Variants in ADARB2 observed in about 807,000 individuals in gnomAD.
ADARB2 encodes inactive double-stranded RNA-specific editase B2.
Under a neutral mutation model 62.2 loss-of-function variants are expected in ADARB2, and 25 were observed. The observed-to-expected ratio is 0.40, with a 90% CI of 0.29 to 0.56. ADARB2 has a LOEUF of 0.56. Among genes scored for constraint, ADARB2 ranks in the 20% least tolerant of loss-of-function variants. The pLI is 0.43. For synonymous variants in ADARB2, 572 were observed against 500.8 expected, an observed-to-expected ratio of 1.14 and a Z score of -1.90; for missense variants, 1,071 against 1,077.4, an observed-to-expected ratio of 0.99 and a Z score of 0.08.
At chr10:1,403,264 T>C (rs1415007761) in intron 1 of ADARB2, among the ~76,000 whole-genome samples, 1 of 152,196 alleles carries the variant, frequency 6.6e-6, no homozygotes, top group African/African-American at 2.4e-5. Flanking sequence ...TCCTGATTCG[T>C]ACAACCCTTG....
chr10:1,232,420 T>A (rs889856253), intron 6 of ADARB2, among the ~76,000 whole-genome samples: 1 of 150,384 alleles, frequency 6.6e-6, no homozygotes, highest in South Asian at 2.1e-4. Flanking sequence ...ATGTGTGTGG[T>A]ATATGTGGTG....
chr10:1,439,207 A>G lies in ADARB2; in HGVS notation c.101-60047T>C, dbSNP rs1830870995. Among the ~76,000 whole-genome samples, 2 of 120,514 alleles carry G rather than the reference A, an allele frequency of 1.7e-5. 1 individual carries two copies. Among genetic ancestry groups the G allele is most frequent in the South Asian group, 6.3e-4 (2 of 3,152 alleles). The allele number at this position is 120,514 out of a possible 152,430, so 79.1% of individuals were successfully genotyped here. A position where few individuals can be genotyped will look rare whatever the true frequency, so the allele number is the denominator to read the frequency against. ...AGCAGATGGAGGCAGGTTCTTCACT[A>G]TGGGACTCCTGAGTCTCTCCCAGGA... is the stretch of plus-strand genomic sequence containing the variant. On this transcript the variant is annotated intron_variant, in intron 1 of 9. Transcript: ENST00000381312.
At chr10:1,264,250 T>G (rs949865734) in intron 4 of ADARB2, among the ~76,000 whole-genome samples, 2 of 152,226 alleles carry the variant, frequency 1.3e-5, no homozygotes, top group Non-Finnish European at 2.9e-5. Flanking sequence ...TGTTTCAGCT[T>G]ATCTTCCTCA....
chr10:1,621,812 A>G lies in ADARB2; in HGVS notation c.100+115239T>C, dbSNP rs562695979. The stretch of plus-strand genomic sequence containing the variant: ...TCATCCCAAATTATCCATGGATTCA[A>G]TGCAATCTCTGCCAAATCTCAAATC... On this transcript the variant is annotated intron_variant, in intron 1 of 9. Coordinates refer to ENST00000381312, the MANE Select transcript of ADARB2 (RefSeq NM_018702.4). Among the ~76,000 whole-genome samples the G allele has an allele frequency of 2.0e-5, 3 of 152,356 alleles. No homozygotes were observed. The South Asian group carries it at 6.2e-4, about 32-fold the overall frequency.
At chr10:1,407,713 A>G (rs1440543777) in intron 1 of ADARB2, among the ~76,000 whole-genome samples, 2 of 152,208 alleles carry the variant, frequency 1.3e-5, no homozygotes, top group Non-Finnish European at 2.9e-5. Flanking sequence ...CGGTGTTCTG[A>G]GAGAGCTCAA....
intron 1 of ADARB2, among the ~76,000 whole-genome samples, chr10:1,457,717 G>A (rs1218362486): frequency 3.9e-5 from 6 of 152,220 alleles, no homozygotes; most frequent in Non-Finnish European, 5.9e-5. Context: ...TGCTCACAAC[G>A]AAATTCCTGG....
rs543298387 is a variant in ADARB2 at position 1,686,406 on chromosome 10, A to G, written c.100+50645T>C. Among the ~76,000 whole-genome samples, 4 of 152,364 alleles carry G rather than the reference A, an allele frequency of 2.6e-5. No individual in the cohort carries two copies. In the South Asian group the frequency reaches 8.3e-4, roughly 32 times the overall value. ...ATAGGTTTGAAGGAAGCATACCTTG[A>G]AAACTACAGCTGCCGCAAGCTCTTG... On this transcript the variant is annotated intron_variant, in intron 1 of 9. Coordinates refer to ENST00000381312, the MANE Select transcript of ADARB2 (RefSeq NM_018702.4).
At chr10:1,376,003 CAT>C (rs949703742) in intron 2 of ADARB2, among the ~76,000 whole-genome samples, 28 of 151,986 alleles carry the variant, frequency 1.8e-4, no homozygotes, top group African/African-American at 4.3e-4. Flanking sequence ...GCACATGACA[CAT>C]ATACACGTGA....
intron 1 of ADARB2, among the ~76,000 whole-genome samples, chr10:1,452,154 T>A (rs938774847): frequency 5.9e-5 from 9 of 152,252 alleles, no homozygotes; most frequent in African/African-American, 2.2e-4. Context: ...ATCACACCTC[T>A]GGGTGTAGTT....
chr10:1,528,986 T>G (rs1266023418), intron 1 of ADARB2, among the ~76,000 whole-genome samples: 1 of 152,176 alleles, frequency 6.6e-6, no homozygotes, highest in African/African-American at 2.4e-5. Flanking sequence ...TGCTTTGGAC[T>G]AGTTTTTGGG....
At chr10:1,572,252 T>G (rs989862350) in intron 1 of ADARB2, among the ~76,000 whole-genome samples, 4 of 151,074 alleles carry the variant, frequency 2.6e-5, no homozygotes, top group Admixed American at 2.0e-4. Context: ...TGCAGGTGAG[T>G]GTGCTGGTGA....
At chr10:1,667,087 C>T (rs1588345015) in intron 1 of ADARB2, among the ~76,000 whole-genome samples, 1 of 152,202 alleles carries the variant, frequency 6.6e-6, no homozygotes, top group African/African-American at 2.4e-5. Context: ...ACAGTAAGTA[C>T]ATTTGTGTGA....
chr10:1,417,769 C>G (rs911333939), intron 1 of ADARB2, among the ~76,000 whole-genome samples: 2 of 152,184 alleles, frequency 1.3e-5, no homozygotes, highest in African/African-American at 4.8e-5. Flanking sequence ...CTGGGCTCTG[C>G]GTGCTTCTTA....
intron 2 of ADARB2, among the ~76,000 whole-genome samples, chr10:1,376,100 G>A (rs114300893): frequency 0.01 from 1,528 of 152,078 alleles, 28 homozygotes; most frequent in African/African-American, 0.035. Flanking sequence ...ACACACACAC[G>A]CACATCTTTT....
chr10:1,646,030 G>C (rs1459640317), intron 1 of ADARB2, among the ~76,000 whole-genome samples: 4 of 152,136 alleles, frequency 2.6e-5, no homozygotes, highest in Admixed American at 2.6e-4. Flanking sequence ...CGTGTCCCAG[G>C]GACACATGAG....
intron 7 of ADARB2, among the ~76,000 whole-genome samples, chr10:1,209,056 G>A (rs940916935): frequency 2.0e-5 from 3 of 152,148 alleles, no homozygotes; most frequent in South Asian, 2.1e-4. Flanking sequence ...AGTGAGGGGC[G>A]TGTGGCTGCC....
At chr10:1,653,917 C>A (rs1834144728) in intron 1 of ADARB2, among the ~76,000 whole-genome samples, 1 of 152,108 alleles carries the variant, frequency 6.6e-6, no homozygotes, top group South Asian at 2.1e-4. Flanking sequence ...GAAGTCAGGA[C>A]CCCCAGGAGG....
rs542770538 is a variant in ADARB2 at position 1,717,580 on chromosome 10, T to C, written c.100+19471A>G. Among the ~76,000 whole-genome samples the C allele has an allele frequency of 9.2e-5, 14 of 151,864 alleles. No homozygotes were observed. In the East Asian group the frequency reaches 2.1e-3, roughly 23 times the overall value. ...TCCTTCGTTTTTCTTTCCTTCCTTC[T>C]TTCTTTCTTCTTTTTTTGAGACAGT... On this transcript the variant is annotated intron_variant, in intron 1 of 9. Transcript: ENST00000381312.
intron 1 of ADARB2, among the ~76,000 whole-genome samples, chr10:1,416,560 G>A (rs531495626): frequency 6.6e-6 from 1 of 152,370 alleles, no homozygotes; most frequent in Non-Finnish European, 1.5e-5. Flanking sequence ...GGGAGAGCTA[G>A]AGCAGGTAAC....
Sources: allele counts gnomAD v4.1 joint callset (sites outside exome capture counted in the v4.1 genomes callset), GRCh38; gene constraint gnomAD v4.1.1; transcripts MANE v1.5; gene names NCBI Gene and HGNC (gene_info 2026-07-23, HGNC 2026-07-21).